Variants in EPB41 observed in about 807,000 individuals in gnomAD.
The protein encoded by EPB41 is erythrocyte membrane protein band 4.1.
In EPB41, 65 loss-of-function variants were observed where a neutral mutation model predicts 108.0. The ratio of observed to expected loss-of-function variants is 0.60; its 90% CI spans 0.49 to 0.74. EPB41 has a LOEUF of 0.74. Among genes scored for constraint, EPB41 ranks in the 30% least tolerant of loss-of-function variants. The pLI, the probability that EPB41 is intolerant of heterozygous loss-of-function variation, is 0.00. For synonymous variants in EPB41, 336 were observed against 358.9 expected (o/e 0.94, Z 0.72); for missense variants, 875 against 1,037.0 (o/e 0.84, Z 2.15).
chr1:29,084,736 C>G (rs763413890), intron 16 of EPB41, among the ~76,000 whole-genome samples: 10 of 152,316 alleles, frequency 6.6e-5, no homozygotes, highest in Non-Finnish European at 1.3e-4. Context: ...TATCCCAAAA[C>G]TATCCATTAT....
chr1:29,053,282 A>G lies in EPB41; in HGVS notation c.1815A>G (p.Gln605=). The G allele has an allele frequency of 3.1e-6, 5 of 1,614,232 alleles. No individual in the cohort carries two copies. Among genetic ancestry groups the G allele is most frequent in the Non-Finnish European group, 3.4e-6 (4 of 1,180,038 alleles). ...AAAAGGAAGACGAGCCACCTGAGCA[A>G]GCTGAGCCAGAGCCCACAGAAGCAT... ...EVKKEDEPPE[Q]AEPEPTEAWK... is the part of the protein sequence containing the mutation. Residue 605 remains glutamine, a synonymous_variant, in exon 12 of 21, where the codon CAA becomes CAG. Transcript: ENST00000343067.
At chr1:29,076,436 A>G (rs1184508959) in intron 16 of EPB41, among the ~76,000 whole-genome samples, 2 of 152,178 alleles carry the variant, frequency 1.3e-5, no homozygotes, top group Non-Finnish European at 2.9e-5. Context: ...TCTAGCTTTG[A>G]GAGTTTCATG....
intron 16 of EPB41, chr1:29,069,112 AATC>A: frequency 8.3e-7 from 1 of 1,198,510 alleles, no homozygotes; most frequent in Non-Finnish European, 1.0e-6. Context: ...TTCTTTCAAA[AATC>A]ATCATAATTT....
chr1:29,055,555 T>C (rs564928248), intron 12 of EPB41, among the ~76,000 whole-genome samples: 32 of 151,890 alleles, frequency 2.1e-4, no homozygotes, highest in African/African-American at 5.8e-4. Flanking sequence ...GAGATACTTG[T>C]GTTGAAATGA....
intron 16 of EPB41, among the ~76,000 whole-genome samples, chr1:29,089,105 T>A (rs779285547): frequency 6.6e-6 from 1 of 152,160 alleles, no homozygotes; most frequent in Non-Finnish European, 1.5e-5. Context: ...ATAGAAATAA[T>A]GACTACTTCA....
chr1:28,925,121 A>G (rs1268116029), intron 1 of EPB41, among the ~76,000 whole-genome samples: 1 of 152,028 alleles, frequency 6.6e-6, no homozygotes, highest in Admixed American at 6.6e-5. Flanking sequence ...ACCCACCACC[A>G]TGCCCGGCTA....
rs2094477414 is a variant in EPB41 at position 28,946,071 on chromosome 1, G to C, written c.-8+31303G>C. 2.0e-5 allele frequency among the ~76,000 whole-genome samples: 3 copies of C among 151,964 alleles called. No individual in the cohort carries two copies. In the South Asian group the frequency reaches 6.2e-4, roughly 32 times the overall value. On this transcript the variant is annotated intron_variant, in intron 1 of 20. Transcript: ENST00000343067. ...AATGAATGAATATAAGAGTGAAAAC[G>C]CTGCTGACAAAGATTTGGATATTTG...
intron 1 of EPB41, among the ~76,000 whole-genome samples, chr1:28,947,333 G>A (rs1250099949): frequency 6.6e-6 from 1 of 151,716 alleles, no homozygotes. Context: ...GCTTGATCTC[G>A]GGAGGCGGAT....
Position 28,993,386 on chromosome 1 carries a change from A to G in EPB41, c.525A>G (p.Gly175=). 1 of 1,613,784 alleles carries G rather than the reference A, an allele frequency of 6.2e-7. No individual in the cohort carries two copies. Among genetic ancestry groups the G allele is most frequent in the Non-Finnish European group, 8.5e-7 (1 of 1,180,006 alleles). The change falls in exon 3 of 21, where the codon GGA becomes GGG. Residue 175 remains glycine (G), a synonymous_variant. Transcript: ENST00000343067. ...ATTTTGAAATTAAGGAAGGAGAAGG[A>G]CTTGAAGAGTGCTCCAAAATAGAAG... ...DPDFEIKEGE[G]LEECSKIEVK...
rs905032282 is a variant in EPB41, at chr1:28,914,613, C to A, written c.-163C>A. 6.6e-6 allele frequency: 1 copy of A among 151,878 alleles called. No individual in the cohort carries two copies. The highest frequency in any genetic ancestry group is 1.5e-5 in the Non-Finnish European group (1 of 67,894). 9.4% of individuals were successfully genotyped at this position (151,878 alleles called of 1,614,324 possible). On this transcript the variant is annotated 5_prime_UTR_variant, in exon 1 of 21. Coordinates refer to ENST00000343067, the MANE Select transcript of EPB41 (RefSeq NM_001376013.1). ...GCGCGCCAGGGTCGCTCGCTCGCTC[C>A]CTCCCTCCGCTGGTGCGTTTAGTCA...
intron 16 of EPB41, chr1:29,071,663 T>G (rs1190938194): frequency 6.6e-6 from 1 of 151,692 alleles, no homozygotes; most frequent in Non-Finnish European, 1.5e-5. Flanking sequence ...CATGTTGACT[T>G]CTAAGACTTA....
intron 1 of EPB41, among the ~76,000 whole-genome samples, chr1:28,932,279 C>A (rs2093788523): frequency 6.6e-6 from 1 of 152,112 alleles, no homozygotes; most frequent in African/African-American, 2.4e-5. Context: ...GGTGCCACCA[C>A]ACCTGGCTAA....
At chr1:28,962,829 T>C (rs2095258367) in intron 1 of EPB41, among the ~76,000 whole-genome samples, 1 of 152,164 alleles carries the variant, frequency 6.6e-6, no homozygotes, top group South Asian at 2.1e-4. Flanking sequence ...TGGCTCGCAG[T>C]ATGTGTTGAA....
intron 1 of EPB41, among the ~76,000 whole-genome samples, chr1:28,892,676 G>T (rs2090249046): frequency 6.6e-6 from 1 of 152,008 alleles, no homozygotes; most frequent in African/African-American, 2.4e-5. Context: ...TCCAGCCTGG[G>T]CAACAAGAGG....
rs2985334 is a variant in EPB41 at position 29,018,515 on chromosome 1, T to G, written c.1124+73T>G. 0.74 allele frequency: 1,074,282 copies of G among 1,450,496 alleles called. 401,490 individuals carry two copies. Among genetic ancestry groups the G allele is most frequent in the East Asian group, 0.94 (41,455 of 44,148 alleles). The allele number at this position is 1,450,496 out of a possible 1,614,324, so 89.9% of individuals were successfully genotyped here. On this transcript the variant is annotated intron_variant, in intron 7 of 20. Coordinates refer to ENST00000343067, the MANE Select transcript of EPB41 (RefSeq NM_001376013.1). This position sits in a 1 kb window ranked among gnomAD's most constrained non-coding sequence, Gnocchi z 4.4. ...TTAAACACAACATGGTATTGGTTCATTGTTTGCCTAAGAGGGATCATGGTG... is the reference window on the plus strand; with the variant it reads ...TTAAACACAACATGGTATTGGTTCAGTGTTTGCCTAAGAGGGATCATGGTG...
intron 5 of EPB41, among the ~76,000 whole-genome samples, chr1:29,013,661 G>C (rs994231624): frequency 1.3e-4 from 19 of 151,858 alleles, no homozygotes; most frequent in Admixed American, 1.2e-3. Context: ...CAAGTAGCTG[G>C]GATTACAGGC....
chr1:28,938,145 T>G (rs2094123217), intron 1 of EPB41, among the ~76,000 whole-genome samples: 1 of 152,250 alleles, frequency 6.6e-6, no homozygotes, highest in East Asian at 1.9e-4. Context: ...GTCCTCTAAC[T>G]GTGGTCTTAT....
At chr1:29,079,488 G>A (rs554630113) in intron 16 of EPB41, among the ~76,000 whole-genome samples, 29 of 151,124 alleles carry the variant, frequency 1.9e-4, no homozygotes, top group African/African-American at 6.8e-4. Flanking sequence ...CACGATCTCG[G>A]CAACCTCCAC....
intron 17 of EPB41, among the ~76,000 whole-genome samples, chr1:29,105,576 C>G (rs1459459965): frequency 2.0e-5 from 3 of 152,064 alleles, no homozygotes; most frequent in Admixed American, 6.6e-5. Flanking sequence ...TTTTTAGATT[C>G]ATCCATGTTA....
Sources: allele counts gnomAD v4.1 joint callset (sites outside exome capture counted in the v4.1 genomes callset), GRCh38; gene constraint gnomAD v4.1.1; non-coding constraint Gnocchi (gnomAD v3.1); transcripts MANE v1.5; gene names NCBI Gene and HGNC (gene_info 2026-07-23, HGNC 2026-07-21).